GSE1: variants seen among roughly 807,000 people sequenced by gnomAD.
The protein encoded by GSE1 is Gse1 coiled-coil protein, also known as genetic suppressor element 1.
GSE1 carries 32 observed loss-of-function variants against 112.6 expected under a neutral mutation model. The observed-to-expected ratio is 0.28, with a 90% confidence interval of 0.21 to 0.38. The LOEUF is 0.38. Among genes scored for constraint, GSE1 ranks in the 10% least tolerant of loss-of-function variants. The pLI, the probability that GSE1 is intolerant of heterozygous loss-of-function variation, is 1.00. For missense variants in GSE1, 2,348 were observed against 1,699.2 expected (o/e 1.38, Z -6.71); for synonymous variants, 1,115 against 735.6 (o/e 1.52, Z -8.35).
At chr16:85,669,989 G>A (rs1249351876) in intron 14 of GSE1, among the ~76,000 whole-genome samples, 3 of 152,206 alleles carry the variant, frequency 2.0e-5, no homozygotes, top group East Asian at 1.9e-4. Context: ...AAGGATTTTA[G>A]GATCGCCTTA....
At chr16:85,306,125 G>A (rs1055477169) in intron 1 of GSE1, 1 of 154,116 alleles carries the variant, frequency 6.5e-6, no homozygotes, top group East Asian at 1.9e-4. Flanking sequence ...AAGGTCCCCT[G>A]GTGATTTGGT....
chr16:85,394,460 C>G (rs1698594337), intron 2 of GSE1, among the ~76,000 whole-genome samples: 1 of 152,174 alleles, frequency 6.6e-6, no homozygotes, highest in Non-Finnish European at 1.5e-5. Flanking sequence ...TTGAGGGTCC[C>G]TTTAAAGCGA....
chr16:85,387,453 G>C (rs2047713161), intron 2 of GSE1, among the ~76,000 whole-genome samples: 1 of 152,178 alleles, frequency 6.6e-6, no homozygotes, highest in South Asian at 2.1e-4. Context: ...TGTCCCTTCA[G>C]CCTGCGATGC....
intron 2 of GSE1, among the ~76,000 whole-genome samples, chr16:85,448,755 C>T (rs992534745): frequency 3.9e-5 from 6 of 152,234 alleles, no homozygotes; most frequent in African/African-American, 9.6e-5. Context: ...CCCTGCAACC[C>T]GGGGCAGGAA....
intron 2 of GSE1, among the ~76,000 whole-genome samples, chr16:85,383,683 T>C (rs1402258956): frequency 6.6e-6 from 1 of 152,076 alleles, no homozygotes. Flanking sequence ...CTCATGGGTG[T>C]CTGTCCACTT....
intron 1 of GSE1, among the ~76,000 whole-genome samples, chr16:85,619,937 A>C (rs552360773): frequency 2.0e-5 from 3 of 151,228 alleles, no homozygotes; most frequent in East Asian, 3.9e-4. Context: ...TCCTCACCCA[A>C]CTCCCACCCG....
intron 1 of GSE1, among the ~76,000 whole-genome samples, chr16:85,353,065 C>T (rs892585929): frequency 2.6e-5 from 4 of 152,250 alleles, no homozygotes; most frequent in Admixed American, 1.3e-4. Context: ...TGTTTATTAT[C>T]ACACAGTTCA....
At chr16:85,184,016 C>T (rs1326905150) in intron 1 of GSE1, among the ~76,000 whole-genome samples, 2 of 152,186 alleles carry the variant, frequency 1.3e-5, no homozygotes, top group Admixed American at 6.5e-5. Context: ...TTATCATTCC[C>T]CAGAGAGTCT....
chr16:85,209,517 C>G lies in GSE1; in HGVS notation c.2283+37710C>G, dbSNP rs538863835. Among the ~76,000 whole-genome samples the G allele has an allele frequency of 5.9e-5, 9 of 152,262 alleles. No homozygotes were observed. The East Asian group carries it at 1.7e-3, about 29-fold the overall frequency. On this transcript the variant is annotated intron_variant, in intron 1 of 2. Coordinates refer to the GSE1 transcript ENST00000637419. Reference sequence around the variant, plus strand: ...CTGGACCACTGACCCCTCCCACCCTCTCCCCCATCACCATCGCTGCCCCAC... The same window carrying G: ...CTGGACCACTGACCCCTCCCACCCTGTCCCCCATCACCATCGCTGCCCCAC...
intron 1 of GSE1, among the ~76,000 whole-genome samples, chr16:85,325,707 C>T (rs965181822): frequency 1.4e-4 from 22 of 151,880 alleles, no homozygotes; most frequent in Middle Eastern, 6.8e-3. Context: ...CTGCCTTAGC[C>T]TCCCAAAGTG....
At chr16:85,603,324 C>T (rs1224647917) in intron 1 of GSE1, among the ~76,000 whole-genome samples, 1 of 152,170 alleles carries the variant, frequency 6.6e-6, no homozygotes, top group Non-Finnish European at 1.5e-5. Flanking sequence ...GGAAAATGTG[C>T]TGGGTCATGA....
rs537480522 is a variant in GSE1, at chr16:85,654,662, C to T, written c.600-132C>T. 1.1e-5 allele frequency: 8 copies of T among 735,978 alleles called. No individual in the cohort carries two copies. In the African/African-American group the frequency reaches 1.4e-4, roughly 13 times the overall value. 45.6% of individuals were successfully genotyped at this position (735,978 alleles called of 1,614,324 possible). ...GCTCCCCCCGCTGCTTAAGCCCCGT[C>T]CTCGTTCGGGGTGCCAGGAGTCTGG... On this transcript the variant is annotated intron_variant, in intron 4 of 15. Transcript: ENST00000253458.
In GSE1 at chr16:85,614,248, G is replaced by A. The variant is rs948937910; in HGVS notation, c.7+850G>A. Among the ~76,000 whole-genome samples the A allele has an allele frequency of 7.9e-5, 12 of 152,260 alleles. No individual in the cohort carries two copies. In the East Asian group the frequency reaches 2.1e-3, roughly 27 times the overall value. On this transcript the variant is annotated intron_variant, in intron 1 of 15. Transcript: ENST00000253458. ...CAGCCCTCCCGGGCCCTGCGGCCGC[G>A]CTGATGGGCGGCGAGTGGCCCGACC...
chr16:85,588,976 C>T (rs1480620160), intron 1 of GSE1, among the ~76,000 whole-genome samples: 2 of 152,188 alleles, frequency 1.3e-5, no homozygotes, highest in African/African-American at 4.8e-5. Flanking sequence ...CACACTAACA[C>T]ATGTTCACAC....
chr16:85,555,148 A>G (rs2045137784), upstream of GSE1: 1 of 985,168 alleles, frequency 1.0e-6, no homozygotes, highest in Non-Finnish European at 1.2e-6. Context: ...CTGCGCCCCT[A>G]CCCTTTCGCT....
At position 85,661,215 on chromosome 16, in the gene GSE1, G is replaced by A. The variant is rs2052401647; in HGVS notation, c.1710G>A (p.Leu570=). The change falls in exon 9 of 16, where the codon CTG becomes CTA. Residue 570 remains leucine (L), a synonymous_variant. Transcript: ENST00000253458. ...PPQHFGGPPP[L]ISPKPQLHAA... ...AGCACTTTGGGGGGCCACCACCTCTGATTTCGCCCAAGCCCCAGCTCCATG... is the reference window on the plus strand; with the variant it reads ...AGCACTTTGGGGGGCCACCACCTCTAATTTCGCCCAAGCCCCAGCTCCATG... 6 of 1,608,586 alleles carry A rather than the reference G, an allele frequency of 3.7e-6. No homozygotes were observed. The highest frequency in any genetic ancestry group is 2.7e-5 in the African/African-American group (2 of 74,832).
chr16:85,337,632 C>G (rs576719467), intron 1 of GSE1, among the ~76,000 whole-genome samples: 1 of 152,072 alleles, frequency 6.6e-6, no homozygotes, highest in East Asian at 1.9e-4. Flanking sequence ...GCAGGGAAAC[C>G]GGGGACCTGG....
intron 2 of GSE1, among the ~76,000 whole-genome samples, chr16:85,456,015 C>T (rs1292969532): frequency 6.6e-6 from 1 of 152,178 alleles, no homozygotes; most frequent in Non-Finnish European, 1.5e-5. Context: ...TAATGACTTG[C>T]CCCAGGATAC....
chr16:85,421,345 CA>C (rs1349217578), intron 2 of GSE1, among the ~76,000 whole-genome samples: 1 of 152,074 alleles, frequency 6.6e-6, no homozygotes, highest in Non-Finnish European at 1.5e-5. Flanking sequence ...TCCACAGGGT[CA>C]CCCCAATTTC....
Sources: allele counts gnomAD v4.1 joint callset (sites outside exome capture counted in the v4.1 genomes callset), GRCh38; gene constraint gnomAD v4.1.1; transcripts MANE v1.5; gene names NCBI Gene and HGNC (gene_info 2026-07-23, HGNC 2026-07-21).